Variants in IL1RAPL2 observed in about 807,000 individuals in gnomAD.
The protein encoded by IL1RAPL2 is X-linked interleukin-1 receptor accessory protein-like 2.
A neutral mutation model predicts 44.1 loss-of-function variants in IL1RAPL2; 3 were observed. The observed-to-expected ratio is 0.07, with a 90% CI of 0.03 to 0.18. The LOEUF is 0.18. Ranked by LOEUF, IL1RAPL2 falls within the 10% of genes least tolerant of loss-of-function variation. The pLI is 1.00. For missense variants in IL1RAPL2, 391 were observed against 496.4 expected, an observed-to-expected ratio of 0.79 and a Z score of 2.02; for synonymous variants, 181 against 178.8, an observed-to-expected ratio of 1.01 and a Z score of -0.10.
intron 5 of IL1RAPL2, among the ~76,000 whole-genome samples, chrX:105,331,491 A>C (rs1471617938): frequency 2.7e-5 from 3 of 111,708 alleles, no homozygotes; most frequent in Non-Finnish European, 3.8e-5. Flanking sequence ...AACCAAAGTA[A>C]CCAAAGCTTT....
intron 2 of IL1RAPL2, among the ~76,000 whole-genome samples, chrX:104,699,606 G>T (rs1931241113): frequency 1.8e-5 from 2 of 112,217 alleles, no homozygotes; most frequent in African/African-American, 3.2e-5. Flanking sequence ...GACTGGTACT[G>T]GTTCACGGCC....
chrX:104,661,840 AT>A, intron 2 of IL1RAPL2, among the ~76,000 whole-genome samples: 1 of 111,175 alleles, frequency 9.0e-6, no homozygotes, highest in Middle Eastern at 4.6e-3. Flanking sequence ...CGTAACTTTT[AT>A]TTTTTTCCCC....
At chrX:105,178,895 TCTC>T (rs1295455538) in intron 2 of IL1RAPL2, among the ~76,000 whole-genome samples, 1 of 111,887 alleles carries the variant, frequency 8.9e-6, no homozygotes, top group Non-Finnish European at 1.9e-5. Context: ...GATTAACTAG[TCTC>T]CTATCAGATT....
intron 1 of IL1RAPL2, among the ~76,000 whole-genome samples, chrX:104,611,077 G>C (rs1048187142): frequency 8.9e-6 from 1 of 111,761 alleles, no homozygotes; most frequent in Non-Finnish European, 1.9e-5. Context: ...GAGCTCTCCT[G>C]TATGGGGTGT....
intron 1 of IL1RAPL2, among the ~76,000 whole-genome samples, chrX:104,570,161 G>A (rs1928117817): frequency 8.9e-6 from 1 of 111,773 alleles, no homozygotes; most frequent in Admixed American, 9.5e-5. Flanking sequence ...GACTAACAGG[G>A]TTTTTTCAAG....
At chrX:105,388,289 T>C (rs1438328654) in intron 5 of IL1RAPL2, among the ~76,000 whole-genome samples, 1 of 97,487 alleles carries the variant, frequency 1.0e-5, no homozygotes, top group Non-Finnish European at 2.0e-5. Context: ...GCATATAGAG[T>C]ATACATGATC....
intron 2 of IL1RAPL2, among the ~76,000 whole-genome samples, chrX:104,731,965 C>T (rs1250987410): frequency 1.8e-5 from 2 of 112,031 alleles, no homozygotes; most frequent in Non-Finnish European, 3.8e-5. Flanking sequence ...CTATAAACAC[C>T]TCTTTCTCTG....
intron 2 of IL1RAPL2, among the ~76,000 whole-genome samples, chrX:105,055,014 T>C (rs1369498865): frequency 2.7e-5 from 3 of 112,744 alleles, no homozygotes; most frequent in Non-Finnish European, 5.6e-5. Flanking sequence ...TATATGTGAA[T>C]AGTTCACTGG....
At chrX:105,282,760 T>G (rs1027235036) in intron 5 of IL1RAPL2, among the ~76,000 whole-genome samples, 1 of 111,844 alleles carries the variant, frequency 8.9e-6, no homozygotes, top group African/African-American at 3.2e-5. Context: ...GTAATAATGA[T>G]GTTTTGAAGC....
intron 7 of IL1RAPL2, among the ~76,000 whole-genome samples, chrX:105,735,213 G>T (rs2038437630): frequency 9.0e-6 from 1 of 111,092 alleles, no homozygotes; most frequent in South Asian, 3.8e-4. Context: ...CACCTGAACT[G>T]GTTACTTTCT....
At chrX:104,905,457 A>G (rs1205574843) in intron 2 of IL1RAPL2, among the ~76,000 whole-genome samples, 1 of 111,734 alleles carries the variant, frequency 8.9e-6, no homozygotes, top group African/African-American at 3.3e-5. Flanking sequence ...TAAGTCTTTA[A>G]TCCATCTTGA....
At chrX:105,668,977 G>A (rs748207415) in intron 6 of IL1RAPL2, among the ~76,000 whole-genome samples, 6 of 111,298 alleles carry the variant, frequency 5.4e-5, no homozygotes, top group Non-Finnish European at 1.1e-4. Context: ...AGTAAGAGGA[G>A]GAAAAGGAAT....
chrX:104,775,916 T>G (rs2147599824), intron 2 of IL1RAPL2, among the ~76,000 whole-genome samples: 1 of 109,102 alleles, frequency 9.2e-6, no homozygotes, highest in East Asian at 2.9e-4. Flanking sequence ...TGGGGAGAGA[T>G]AATGCTTAGA....
intron 5 of IL1RAPL2, among the ~76,000 whole-genome samples, chrX:105,458,139 G>T (rs1044352354): frequency 9.0e-6 from 1 of 110,777 alleles, no homozygotes; most frequent in Non-Finnish European, 1.9e-5. Flanking sequence ...AATGTCTATC[G>T]AATTTCTTTG....
intron 2 of IL1RAPL2, among the ~76,000 whole-genome samples, chrX:104,989,697 A>C (rs1459612942): frequency 1.8e-5 from 2 of 111,444 alleles, no homozygotes; most frequent in Non-Finnish European, 3.8e-5. Context: ...GGATTTATCA[A>C]CTCCAAAATT....
chrX:105,612,752 C>T (rs939235809), intron 6 of IL1RAPL2, among the ~76,000 whole-genome samples: 2 of 111,743 alleles, frequency 1.8e-5, no homozygotes, highest in South Asian at 3.7e-4. Context: ...GAAAGCAAAA[C>T]GAGGCTGAAC....
At chrX:104,895,525 A>C (rs1923617133) in intron 2 of IL1RAPL2, among the ~76,000 whole-genome samples, 2 of 112,481 alleles carry the variant, frequency 1.8e-5, no homozygotes, top group Admixed American at 1.9e-4. Flanking sequence ...CTTGCAGATC[A>C]ATCTCAGACT....
In IL1RAPL2 at chrX:104,779,314, T is replaced by A. The variant is rs187287970; in HGVS notation, c.82+120319T>A. ...GGTTCATGTGCTTGGAAGCACTAAG[T>A]GCAGCATCTCCACACTGAGCAGGCT... On this transcript the variant is annotated intron_variant, in intron 2 of 10. Transcript: ENST00000372582. 1.5e-4 allele frequency among the ~76,000 whole-genome samples: 17 copies of A among 112,406 alleles called. No individual in the cohort carries two copies. The East Asian group carries it at 4.5e-3, about 30-fold the overall frequency.
At chrX:105,216,166 A>G (rs970779692) in intron 3 of IL1RAPL2, among the ~76,000 whole-genome samples, 4 of 111,494 alleles carry the variant, frequency 3.6e-5, no homozygotes, top group African/African-American at 1.3e-4. Flanking sequence ...GAGGAAGTCA[A>G]ATTGTCTCTG....
Sources: gnomAD v4.1 joint callset for allele counts (sites outside exome capture counted in the v4.1 genomes callset) on GRCh38, gnomAD v4.1.1 for gene constraint, MANE v1.5 for transcripts, NCBI Gene and HGNC (gene_info 2026-07-23, HGNC 2026-07-21) for gene names.